SHC4: variants seen among roughly 807,000 people sequenced by gnomAD.
SHC4 encodes the protein SHC adaptor protein 4, also known as SHC-transforming protein 4.
A neutral mutation model predicts 69.4 loss-of-function variants in SHC4; 41 were observed. That is an observed-to-expected ratio of 0.59 (90% CI 0.46 to 0.77). SHC4 has a LOEUF of 0.77. SHC4 is among the 30% of genes least tolerant of loss of function. SHC4 has a pLI of 0.00. For synonymous variants in SHC4, 318 were observed against 299.3 expected (o/e 1.06, Z -0.64); for missense variants, 777 against 783.8 (o/e 0.99, Z 0.10).
At chr15:48,873,004 C>T (rs75555674) in intron 4 of SHC4, among the ~76,000 whole-genome samples, 181 of 152,238 alleles carry the variant, frequency 1.2e-3, no homozygotes, top group African/African-American at 3.8e-3. Flanking sequence ...TATTCCTAGA[C>T]GTATATCCAA....
chr15:48,851,767 T>C (rs970462257), intron 8 of SHC4, among the ~76,000 whole-genome samples: 2 of 152,190 alleles, frequency 1.3e-5, no homozygotes, highest in African/African-American at 4.8e-5. Context: ...ATCCACTTGA[T>C]GCCTTTGAGA....
intron 4 of SHC4, chr15:48,878,107 G>A (rs745826514): frequency 1.3e-6 from 2 of 1,502,146 alleles, no homozygotes; most frequent in Non-Finnish European, 1.8e-6. Context: ...TTGCGCACGC[G>A]CACGAACGCA....
intron 2 of SHC4, among the ~76,000 whole-genome samples, chr15:48,897,953 T>C (rs1900254103): frequency 6.6e-6 from 1 of 152,184 alleles, no homozygotes; most frequent in South Asian, 2.1e-4. Flanking sequence ...TCACTTTGCA[T>C]CTCCAACGTA....
chr15:48,931,672 G>A (rs966261343), intron 1 of SHC4, among the ~76,000 whole-genome samples: 18 of 151,792 alleles, frequency 1.2e-4, no homozygotes, highest in African/African-American at 3.6e-4. Context: ...TGCAATACTG[G>A]GGTCTCATCA....
chr15:48,932,786 A>C (rs1900992963), intron 1 of SHC4, among the ~76,000 whole-genome samples: 1 of 152,170 alleles, frequency 6.6e-6, no homozygotes, highest in African/African-American at 2.4e-5. Flanking sequence ...TTCCTTTGCT[A>C]ATATGGAACT....
At chr15:48,832,671 A>G (rs1176790455) in intron 11 of SHC4, among the ~76,000 whole-genome samples, 2 of 152,044 alleles carry the variant, frequency 1.3e-5, no homozygotes, top group Non-Finnish European at 2.9e-5. Context: ...GAACTCCAAT[A>G]ATGCATAAAC....
At chr15:48,937,858 G>A (rs1386971294) in intron 1 of SHC4, among the ~76,000 whole-genome samples, 5 of 152,152 alleles carry the variant, frequency 3.3e-5, no homozygotes, top group Non-Finnish European at 5.9e-5. Flanking sequence ...TTTGTACAAC[G>A]GTGAATTCTC....
intron 1 of SHC4, among the ~76,000 whole-genome samples, chr15:48,929,704 T>G (rs1456519167): frequency 6.6e-6 from 1 of 152,210 alleles, no homozygotes; most frequent in Admixed American, 6.5e-5. Context: ...CTCTGGGAAC[T>G]GCAGGAGGTG....
intron 1 of SHC4, among the ~76,000 whole-genome samples, chr15:48,950,326 C>T (rs1020189017): frequency 6.6e-6 from 1 of 150,794 alleles, no homozygotes; most frequent in African/African-American, 2.4e-5. Flanking sequence ...TCATTAGGGA[C>T]CATCTCAGAG....
At chr15:48,928,435 TG>T (rs1900895277) in intron 1 of SHC4, among the ~76,000 whole-genome samples, 1 of 151,994 alleles carries the variant, frequency 6.6e-6, no homozygotes, top group Non-Finnish European at 1.5e-5. Context: ...CAGACAGAAA[TG>T]TCTGAACAGG....
chr15:48,889,120 TG>T (rs766743407), intron 3 of SHC4, among the ~76,000 whole-genome samples: 2 of 152,156 alleles, frequency 1.3e-5, no homozygotes, highest in Admixed American at 6.5e-5. Flanking sequence ...TATTTTGGGA[TG>T]GGGAATCCCT....
intron 4 of SHC4, among the ~76,000 whole-genome samples, chr15:48,874,528 T>C (rs1299831827): frequency 6.6e-6 from 1 of 152,192 alleles, no homozygotes; most frequent in Non-Finnish European, 1.5e-5. Flanking sequence ...CGACATTAGA[T>C]TCTCATAGGA....
chr15:48,879,888 A>G (rs1332147958), intron 4 of SHC4: 1 of 167,080 alleles, frequency 6.0e-6, no homozygotes, highest in Non-Finnish European at 1.5e-5. Flanking sequence ...TTAAGGGAAA[A>G]TGATCCAGCT....
chr15:48,838,234 G>C (rs1898932355), intron 10 of SHC4, among the ~76,000 whole-genome samples: 1 of 152,190 alleles, frequency 6.6e-6, no homozygotes, highest in African/African-American at 2.4e-5. Context: ...AGAAAGCGGA[G>C]CGTTGTCTTA....
chr15:48,843,359 T>C, intron 10 of SHC4, 50 bp downstream of exon 10: 2 of 1,498,548 alleles, frequency 1.3e-6, no homozygotes, highest in Non-Finnish European at 1.8e-6. Flanking sequence ...TTGTGGTAAT[T>C]TGTTAAAACA....
intron 1 of SHC4, among the ~76,000 whole-genome samples, chr15:48,927,524 A>G (rs540651068): frequency 6.6e-6 from 1 of 152,256 alleles, no homozygotes; most frequent in East Asian, 1.9e-4. Flanking sequence ...AAAACTTTAT[A>G]TCAGATCGTG....
intron 6 of SHC4, among the ~76,000 whole-genome samples, chr15:48,860,045 T>TA (rs1899410445): frequency 1.3e-5 from 2 of 151,888 alleles, no homozygotes; most frequent in Admixed American, 1.3e-4. Context: ...ACCCTGTCTC[T>TA]AAAAAAGAAA....
intron 10 of SHC4, among the ~76,000 whole-genome samples, chr15:48,837,626 T>C (rs758309975): frequency 2.0e-5 from 3 of 152,110 alleles, no homozygotes; most frequent in Non-Finnish European, 2.9e-5. Flanking sequence ...GAAGAAGTAG[T>C]GGAGGTTAAG....
rs1157034650 is a variant in SHC4 at position 48,825,009 on chromosome 15, G to GT, written c.*961dup. The GT allele has an allele frequency of 6.6e-6, 1 of 152,490 alleles. No individual in the cohort carries two copies. The highest frequency in any genetic ancestry group is 1.5e-5 in the Non-Finnish European group (1 of 68,032). The allele number at this position is 152,490 out of a possible 1,614,324, so 9.4% of individuals were successfully genotyped here. On this transcript the variant is annotated 3_prime_UTR_variant, in exon 12 of 12. Transcript: ENST00000332408. ...TATGTAGGTGAGAAACTATGATTCA[G>GT]TGTCAGCCAATCAAGAAGAAATTTT...
Sources: gnomAD v4.1 joint callset for allele counts (sites outside exome capture counted in the v4.1 genomes callset) on GRCh38, gnomAD v4.1.1 for gene constraint, MANE v1.5 for transcripts, NCBI Gene and HGNC (gene_info 2026-07-23, HGNC 2026-07-21) for gene names.